NUDT7: variants seen among roughly 807,000 people sequenced by gnomAD.
The protein encoded by NUDT7 is nudix hydrolase 7.
In NUDT7, 19 loss-of-function variants were observed where a neutral mutation model predicts 13.1. The observed-to-expected ratio is 1.45, with a 90% CI of 1.01 to 2.13. The LOEUF is 2.13. Among genes scored for constraint, NUDT7 ranks in the 30% most tolerant of loss-of-function variants. The pLI is 0.00. For synonymous variants in NUDT7, 132 were observed against 109.7 expected (o/e 1.20, Z -1.27); for missense variants, 360 against 291.7 (o/e 1.23, Z -1.71).
At chr16:77,729,602 G>GA (rs2014248421) in intron 2 of NUDT7, among the ~76,000 whole-genome samples, 1 of 152,126 alleles carries the variant, frequency 6.6e-6, no homozygotes, top group South Asian at 2.1e-4. Context: ...AAGGTGTGGG[G>GA]ATCACCTGAG....
At position 77,742,206 on chromosome 16, in the gene NUDT7, A is replaced by G. The variant is rs780033233; in HGVS notation, c.*256A>G. On this transcript the variant is annotated 3_prime_UTR_variant, in exon 4 of 4. Coordinates refer to ENST00000268533, the MANE Select transcript of NUDT7 (RefSeq NM_001105663.3). ...TAATAATATTTTTCTTACACATATA[A>G]TAAAGAATATCTGGCACATACTAGG... 1.0e-6 allele frequency: 1 copy of G among 969,758 alleles called. No homozygotes were observed. Among genetic ancestry groups the G allele is most frequent in the South Asian group, 2.8e-5 (1 of 35,460 alleles). 60.1% of individuals were successfully genotyped at this position (969,758 alleles called of 1,614,324 possible).
chr16:77,732,732 A>G (rs919686697), intron 2 of NUDT7, among the ~76,000 whole-genome samples: 1 of 152,226 alleles, frequency 6.6e-6, no homozygotes, highest in Admixed American at 6.5e-5. Context: ...TGTTGTTTAC[A>G]CGATGATGAA....
intron 2 of NUDT7, chr16:77,735,560 T>C: frequency 1.8e-6 from 1 of 550,242 alleles, no homozygotes; most frequent in South Asian, 2.8e-5. Context: ...CAGTTATTTA[T>C]TTATAGCAGT....
At chr16:77,737,014 A>G (rs1344181457) in intron 3 of NUDT7, among the ~76,000 whole-genome samples, 1 of 151,340 alleles carries the variant, frequency 6.6e-6, no homozygotes, top group East Asian at 1.9e-4. Flanking sequence ...ACCATAGGAA[A>G]CTAGACCATA....
intron 1 of NUDT7, 29 bp from the exon 2 acceptor site, chr16:77,725,402 A>G (rs1187039453): frequency 4.4e-6 from 7 of 1,594,496 alleles, no homozygotes; most frequent in Non-Finnish European, 5.1e-6. Flanking sequence ...TGCTTGCTAA[A>G]ATGTCTGTCT....
At chr16:77,735,517 C>A (rs576735851) in intron 2 of NUDT7, 3 of 566,876 alleles carry the variant, frequency 5.3e-6, no homozygotes, top group African/African-American at 3.7e-5. Context: ...TGTGAGCCAA[C>A]CAAACCTCTT....
chr16:77,730,067 A>G (rs142504456), intron 2 of NUDT7, among the ~76,000 whole-genome samples: 28 of 152,246 alleles, frequency 1.8e-4, no homozygotes, highest in Non-Finnish European at 2.8e-4. Flanking sequence ...TAACATATTA[A>G]CACACATACC....
intron 2 of NUDT7, among the ~76,000 whole-genome samples, chr16:77,727,829 C>G (rs550071029): frequency 6.6e-6 from 1 of 151,926 alleles, no homozygotes; most frequent in South Asian, 2.1e-4. Flanking sequence ...TGCACTCCAG[C>G]CTGGGCAACA....
chr16:77,736,653 T>G, intron 3 of NUDT7: 1 of 268,788 alleles, frequency 3.7e-6, no homozygotes, highest in Non-Finnish European at 7.9e-6. Flanking sequence ...TTTATAGAGA[T>G]GGGGGTCTCG....
chr16:77,742,084 C>T lies in NUDT7; in HGVS notation c.*134C>T. ...CTGCAGTATGTAGTTAGAATCCTTG[C>T]CTCTTTTCCAGTTGCCTTCTATTGT... On this transcript the variant is annotated 3_prime_UTR_variant, in exon 4 of 4. Transcript: ENST00000268533. 2 of 1,429,666 alleles carry T rather than the reference C, an allele frequency of 1.4e-6. No homozygotes were observed. The highest frequency in any genetic ancestry group is 1.8e-6 in the Non-Finnish European group (2 of 1,098,942). The allele number at this position is 1,429,666 out of a possible 1,614,324, so 88.6% of individuals were successfully genotyped here.
At chr16:77,739,961 T>TGAG (rs1237132629) in intron 3 of NUDT7, among the ~76,000 whole-genome samples, 1 of 152,158 alleles carries the variant, frequency 6.6e-6, no homozygotes. Context: ...TCTTCCCTTA[T>TGAG]GAGTATTGCT....
At chr16:77,731,756 G>A (rs1306848615) in intron 2 of NUDT7, among the ~76,000 whole-genome samples, 3 of 152,060 alleles carry the variant, frequency 2.0e-5, no homozygotes, top group Non-Finnish European at 4.4e-5. Flanking sequence ...TGCCCCTGAA[G>A]ACCTTCCAGT....
intron 3 of NUDT7, among the ~76,000 whole-genome samples, chr16:77,736,947 G>A (rs556189299): frequency 1.9e-4 from 29 of 152,254 alleles, no homozygotes; most frequent in Admixed American, 5.9e-4. Context: ...TGGAAAAGTC[G>A]TGAAGGTAGT....
At position 77,735,897 on chromosome 16, in the gene NUDT7, G is replaced by A. The variant is rs1487160592; in HGVS notation, c.259G>A (p.Ala87Thr). The change falls in exon 3 of 4, where the codon GCC becomes ACC. Residue 87 changes from alanine (A) to threonine (T), a missense_variant. Coordinates refer to ENST00000268533, the MANE Select transcript of NUDT7 (RefSeq NM_001105663.3). ...KRDPTDMDDA[A>T]TALREAQEEV... ...TGACCCTACAGACATGGATGATGCA[G>A]CCACAGCTCTCCGGGAAGCCCAGGA... 6.2e-7 allele frequency: 1 copy of A among 1,614,026 alleles called. No homozygotes were observed. Among genetic ancestry groups the A allele is most frequent in the Admixed American group, 1.7e-5 (1 of 60,032 alleles).
At chr16:77,740,991 T>C (rs1443237575) in intron 3 of NUDT7, among the ~76,000 whole-genome samples, 2 of 152,232 alleles carry the variant, frequency 1.3e-5, no homozygotes, top group African/African-American at 4.8e-5. Context: ...TACTATGAAA[T>C]TTTTCCATAA....
intron 3 of NUDT7, among the ~76,000 whole-genome samples, chr16:77,739,426 C>T (rs112331293): frequency 1.3e-5 from 2 of 152,236 alleles, no homozygotes; most frequent in Admixed American, 6.5e-5. Flanking sequence ...CTGACATTGC[C>T]GTGGCATTTG....
At position 77,742,003 on chromosome 16, in the gene NUDT7, T is replaced by G. The variant is rs1007793995; in HGVS notation, c.*53T>G. On this transcript the variant is annotated 3_prime_UTR_variant, in exon 4 of 4. Coordinates refer to ENST00000268533, the MANE Select transcript of NUDT7 (RefSeq NM_001105663.3). ...TTCACGAGGATTCTGTGTGTGCTTA[T>G]TCGTAGAACAACAACAATGCCAGCT... The G allele has an allele frequency of 8.1e-5, 122 of 1,509,456 alleles. No individual in the cohort carries two copies. The highest frequency in any genetic ancestry group is 1.0e-4 in the Non-Finnish European group (117 of 1,137,182). 93.5% of individuals were successfully genotyped at this position (1,509,456 alleles called of 1,614,324 possible).
At chr16:77,729,801 G>C (rs2145111734) in intron 2 of NUDT7, among the ~76,000 whole-genome samples, 1 of 151,944 alleles carries the variant, frequency 6.6e-6, no homozygotes, top group African/African-American at 2.4e-5. Context: ...CTCCAGCCTG[G>C]GCAACAGAGC....
chr16:77,728,422 G>A lies in NUDT7; in HGVS notation c.189+2838G>A, dbSNP rs371237637. On this transcript the variant is annotated intron_variant, in intron 2 of 3. Transcript: ENST00000268533. The stretch of plus-strand genomic sequence containing the variant: ...TAATTTTTGTATTTTTAGTAGAGAG[G>A]GAGTTTCACCATGTTGGTTGGCCAG... Among the ~76,000 whole-genome samples, 20 of 152,112 alleles carry A rather than the reference G, an allele frequency of 1.3e-4. 1 individual carries two copies. The highest frequency in any genetic ancestry group is 4.8e-4 in the African/African-American group (20 of 41,522).
Sources: allele counts gnomAD v4.1 joint callset (sites outside exome capture counted in the v4.1 genomes callset), GRCh38; gene constraint gnomAD v4.1.1; transcripts MANE v1.5; gene names NCBI Gene and HGNC (gene_info 2026-07-23, HGNC 2026-07-21).